The following KCNV2 variants were observed in gnomAD, a reference collection of about 807,000 sequenced individuals.
The protein encoded by KCNV2 is potassium voltage-gated channel modifier subfamily V member 2, also known as potassium voltage-gated channel subfamily V member 2.
A neutral mutation model predicts 37.0 loss-of-function variants in KCNV2; 65 were observed. The ratio of observed to expected loss-of-function variants is 1.76; its 90% CI spans 1.44 to 2.16. The LOEUF (loss-of-function observed/expected upper bound fraction) is 2.16. Among genes scored for constraint, KCNV2 ranks in the 30% most tolerant of loss-of-function variants. The pLI is 0.00. For missense variants in KCNV2, 1,232 were observed against 766.7 expected, an observed-to-expected ratio of 1.61 and a Z score of -7.17; for synonymous variants, 518 against 328.6, an observed-to-expected ratio of 1.58 and a Z score of -6.23.
At chr9:2,727,819 A>G (rs987670848) in intron 1 of KCNV2, among the ~76,000 whole-genome samples, 1 of 152,164 alleles carries the variant, frequency 6.6e-6, no homozygotes, top group African/African-American at 2.4e-5. Flanking sequence ...AAAAGTAGAA[A>G]CTGAGGCCAA....
intron 1 of KCNV2, among the ~76,000 whole-genome samples, chr9:2,724,509 T>C (rs918673888): frequency 6.6e-6 from 1 of 152,052 alleles, no homozygotes; most frequent in Non-Finnish European, 1.5e-5. Context: ...AATCCAGAGA[T>C]TGGTAATTGC....
chr9:2,720,662 C>G (rs758841036), intron 1 of KCNV2: 2 of 152,164 alleles, frequency 1.3e-5, no homozygotes, highest in Admixed American at 6.5e-5. Context: ...TGATATGATA[C>G]AACACTTGAG....
chr9:2,729,477 T>G lies in KCNV2; in HGVS notation c.1388T>G (p.Met463Arg), dbSNP rs773096508. Residue 463 changes from methionine to arginine, a missense_variant, in exon 2 of 2, where the codon ATG becomes AGG. Coordinates refer to ENST00000382082, the MANE Select transcript of KCNV2 (RefSeq NM_133497.4). ...VSISTVGYGD[M>R]YPETHLGRFF... ...ATCTCCACCGTGGGCTACGGAGACA[T>G]GTACCCAGAGACCCACCTGGGCAGG... 4.3e-6 allele frequency: 7 copies of G among 1,613,880 alleles called. No individual in the cohort carries two copies. Among genetic ancestry groups the G allele is most frequent in the African/African-American group, 1.3e-5 (1 of 74,928 alleles).
rs771395573 is a variant in KCNV2, at chr9:2,729,496, G to C, written c.1407G>C (p.Leu469=). Residue 469 remains leucine (L), a synonymous_variant, in exon 2 of 2, where the codon CTG becomes CTC. Transcript: ENST00000382082. Reference sequence around the variant, plus strand: ...GAGACATGTACCCAGAGACCCACCTGGGCAGGTTTTTTGCCTTCCTCTGCA... The same window carrying C: ...GAGACATGTACCCAGAGACCCACCTCGGCAGGTTTTTTGCCTTCCTCTGCA... The part of the protein sequence containing the change: ...GYGDMYPETH[L]GRFFAFLCIA... 6.2e-7 allele frequency: 1 copy of C among 1,613,946 alleles called. No individual in the cohort carries two copies. The highest frequency in any genetic ancestry group is 1.1e-5 in the South Asian group (1 of 91,078).
At chr9:2,723,398 T>A (rs1461306754) in intron 1 of KCNV2, among the ~76,000 whole-genome samples, 2 of 152,210 alleles carry the variant, frequency 1.3e-5, no homozygotes, top group East Asian at 3.8e-4. Context: ...ACTTTCTCTG[T>A]AATTCAACTC....
chr9:2,726,661 T>G (rs116146880), intron 1 of KCNV2, among the ~76,000 whole-genome samples: 1 of 152,162 alleles, frequency 6.6e-6, no homozygotes, highest in African/African-American at 2.4e-5. Flanking sequence ...GGCCTCTGCA[T>G]TGGACTTCCG....
At chr9:2,719,862 G>A (rs986310226) in intron 1 of KCNV2, among the ~76,000 whole-genome samples, 24 of 152,210 alleles carry the variant, frequency 1.6e-4, no homozygotes, top group Non-Finnish European at 8.8e-5. Context: ...TGCTGAATTT[G>A]TACAGTTAGT....
intron 1 of KCNV2, among the ~76,000 whole-genome samples, chr9:2,722,031 T>G (rs940676606): frequency 1.5e-5 from 2 of 134,966 alleles, no homozygotes; most frequent in Non-Finnish European, 3.0e-5. Context: ...ATAAATAAAT[T>G]AGAAGTTATT....
chr9:2,717,933 A>C lies in KCNV2; in HGVS notation c.194A>C (p.Asp65Ala), dbSNP rs1489702862. ...IEEDEDGEEEDQWKDDLAEED... is the reference protein window; with the variant it reads ...IEEDEDGEEEAQWKDDLAEED... ...GAAGACGAAGACGGCGAGGAGGAGG[A>C]CCAGTGGAAGGACGACCTGGCAGAA... Residue 65 changes from aspartate to alanine, a missense_variant, in exon 1 of 2, where the codon GAC (aspartate) becomes GCC (alanine). Asp to Ala is a moderately radical substitution (Grantham distance 126). Coordinates refer to ENST00000382082, the MANE Select transcript of KCNV2 (RefSeq NM_133497.4). 17 of 1,613,872 alleles carry C rather than the reference A, an allele frequency of 1.1e-5. No homozygotes were observed. The highest frequency in any genetic ancestry group is 1.4e-5 in the Non-Finnish European group (17 of 1,179,894).
At chr9:2,722,956 G>T (rs1819906168) in intron 1 of KCNV2, among the ~76,000 whole-genome samples, 1 of 152,106 alleles carries the variant, frequency 6.6e-6, no homozygotes, top group Non-Finnish European at 1.5e-5. Context: ...TTCTTTTCAT[G>T]GCATTTGCTC....
In KCNV2 at chr9:2,718,145, C is replaced by G; in HGVS notation, c.406C>G (p.Leu136Val). 6.2e-7 allele frequency: 1 copy of G among 1,611,018 alleles called. No individual in the cohort carries two copies. Residue 136 changes from leucine to valine, a missense_variant, in exon 1 of 2, where the codon CTA becomes GTA. Leu to Val is a conservative substitution (Grantham distance 32). Transcript: ENST00000382082. ...CACCTCCACCAGCCGCAGCCGCCAG[C>G]TAAGCCTGTGCGACGACTACGAGGA... ...LATSTSRSRQ[L>V]SLCDDYEEQT... is the part of the protein sequence containing the mutation.
intron 1 of KCNV2, among the ~76,000 whole-genome samples, chr9:2,728,873 G>A (rs1202715691): frequency 7.1e-6 from 1 of 140,252 alleles, no homozygotes; most frequent in African/African-American, 2.8e-5. Flanking sequence ...GTTTTCTCCT[G>A]TTTTAAATAA....
Position 2,729,623 on chromosome 9 carries a change from C to G in KCNV2, c.1534C>G (p.Arg512Gly). ...GAAGGCTTATGAGTATACCACCATA[C>G]GCAGGGAGAGGGGAGAGGTGAACTT... is the stretch of plus-strand genomic sequence containing the variant. Reference protein sequence around the residue: ...KLKAYEYTTIRRERGEVNFMQ... With the variant: ...KLKAYEYTTIGRERGEVNFMQ... Residue 512 changes from arginine (R) to glycine (G), a missense_variant, in exon 2 of 2, where the codon CGC (arginine) becomes GGC (glycine). Arg to Gly is a moderately radical substitution (Grantham distance 125). Transcript: ENST00000382082. 2 of 1,613,978 alleles carry G rather than the reference C, an allele frequency of 1.2e-6. No homozygotes were observed. The highest frequency in any genetic ancestry group is 1.7e-6 in the Non-Finnish European group (2 of 1,179,958).
chr9:2,726,888 T>G (rs1400467479), intron 1 of KCNV2, among the ~76,000 whole-genome samples: 2 of 152,152 alleles, frequency 1.3e-5, no homozygotes, highest in African/African-American at 4.8e-5. Context: ...GGATCTAGGT[T>G]GCTTGCTCCT....
rs767774622 is a variant in KCNV2 at position 2,717,871 on chromosome 9, C to T, written c.132C>T (p.His44=). Residue 44 remains histidine (H), a synonymous_variant, in exon 1 of 2, where the codon CAC becomes CAT. Coordinates refer to ENST00000382082, the MANE Select transcript of KCNV2 (RefSeq NM_133497.4). ...GTTCCGGCTCCCAGGCCAGCATCCA[C>T]GGCTGGACAGAGGGCAACTATAACT... The part of the protein sequence containing the change: ...GARSGSQASI[H]GWTEGNYNYY... The T allele has an allele frequency of 8.7e-6, 14 of 1,614,058 alleles. No homozygotes were observed. Among genetic ancestry groups the T allele is most frequent in the East Asian group, 2.2e-5 (1 of 44,886 alleles).
intron 1 of KCNV2, among the ~76,000 whole-genome samples, chr9:2,726,299 T>G (rs1028043761): frequency 6.6e-6 from 1 of 152,176 alleles, no homozygotes; most frequent in Non-Finnish European, 1.5e-5. Context: ...AGACAACATA[T>G]AAATTAACTG....
chr9:2,720,452 G>C (rs1244016912), intron 1 of KCNV2: 1 of 151,006 alleles, frequency 6.6e-6, no homozygotes, highest in African/African-American at 2.5e-5. Flanking sequence ...TTCTTCAGTG[G>C]CAGGATGATA....
In KCNV2 at chr9:2,718,927, A is replaced by C. The variant is rs2130861897; in HGVS notation, c.1188A>C (p.Gly396=). The change falls in exon 1 of 2, where the codon GGA becomes GGC. Residue 396 remains glycine, a synonymous_variant. Transcript: ENST00000382082. The part of the protein sequence containing the change: ...RILKLARHST[G]LRAFGFTLRQ... Reference sequence around the variant, plus strand: ...TCAAGCTGGCGCGCCACTCCACCGGACTGCGTGCCTTCGGCTTCACGCTGC... The same window carrying C: ...TCAAGCTGGCGCGCCACTCCACCGGCCTGCGTGCCTTCGGCTTCACGCTGC... 6.2e-7 allele frequency: 1 copy of C among 1,609,356 alleles called. No homozygotes were observed. Among genetic ancestry groups the C allele is most frequent in the Non-Finnish European group, 8.5e-7 (1 of 1,180,002 alleles).
Position 2,729,851 on chromosome 9 carries a change from C to A in KCNV2, c.*124C>A. On this transcript the variant is annotated 3_prime_UTR_variant, in exon 2 of 2. Coordinates refer to ENST00000382082, the MANE Select transcript of KCNV2 (RefSeq NM_133497.4). Reference sequence around the variant, plus strand: ...AGACATACACAAAGGCCATTTCGTTCACAAAGTACTGCCTCTAGAAATACT... The same window carrying A: ...AGACATACACAAAGGCCATTTCGTTAACAAAGTACTGCCTCTAGAAATACT... 1.0e-6 allele frequency: 1 copy of A among 988,150 alleles called. No homozygotes were observed. Among genetic ancestry groups the A allele is most frequent in the Non-Finnish European group, 1.6e-6 (1 of 633,280 alleles). The allele number at this position is 988,150 out of a possible 1,614,324, so 61.2% of individuals were successfully genotyped here.
Sources: allele counts gnomAD v4.1 joint callset (sites outside exome capture counted in the v4.1 genomes callset), GRCh38; gene constraint gnomAD v4.1.1; transcripts MANE v1.5; gene names NCBI Gene and HGNC (gene_info 2026-07-23, HGNC 2026-07-21).